FLYWCH1: variants seen among roughly 807,000 people sequenced by gnomAD.
The protein encoded by FLYWCH1 is FLYWCH-type zinc finger 1, also known as FLYWCH-type zinc finger-containing protein 1.
Under a neutral mutation model 66.4 loss-of-function variants are expected in FLYWCH1, and 75 were observed. That is an observed-to-expected ratio of 1.13 (90% CI 0.94 to 1.37). FLYWCH1 has a LOEUF of 1.37. Among genes scored for constraint, FLYWCH1 ranks in the 40% most tolerant of loss-of-function variants. The pLI, the probability that FLYWCH1 is intolerant of heterozygous loss-of-function variation, is 0.00. For missense variants in FLYWCH1, 1,334 were observed against 1,001.8 expected, an observed-to-expected ratio of 1.33 and a Z score of -4.48; for synonymous variants, 595 against 429.9, an observed-to-expected ratio of 1.38 and a Z score of -4.75.
intron 9 of FLYWCH1, 23 bp downstream of exon 9, chr16:2,940,115 G>T: frequency 9.5e-7 from 1 of 1,057,216 alleles, no homozygotes; most frequent in Non-Finnish European, 1.5e-6. Context: ...GTTATCTAAT[G>T]GTGCATGACC....
At chr16:2,939,820 C>T (rs1252464383) in intron 8 of FLYWCH1, 2 of 465,106 alleles carry the variant, frequency 4.3e-6, no homozygotes, top group South Asian at 3.2e-5. Context: ...CACTATTTTC[C>T]ATGACAGCAG....
intron 2 of FLYWCH1, among the ~76,000 whole-genome samples, chr16:2,927,876 C>T (rs775250992): frequency 1.4e-4 from 21 of 152,196 alleles, no homozygotes; most frequent in Non-Finnish European, 2.4e-4. Flanking sequence ...TGCGAGGACC[C>T]GCACTGGCGC....
intron 7 of FLYWCH1, among the ~76,000 whole-genome samples, chr16:2,937,815 G>A (rs539380633): frequency 6.6e-6 from 1 of 151,720 alleles, no homozygotes; most frequent in Non-Finnish European, 1.5e-5. Context: ...TCAGCTGCCA[G>A]CTGGCTGAGG....
At chr16:2,924,458 G>A (rs1473596125) in intron 2 of FLYWCH1, among the ~76,000 whole-genome samples, 1 of 152,240 alleles carries the variant, frequency 6.6e-6, no homozygotes, top group Non-Finnish European at 1.5e-5. Flanking sequence ...CCAGTGAACA[G>A]GGTTCTGTGG....
chr16:2,938,961 G>A (rs1567347918), intron 8 of FLYWCH1, among the ~76,000 whole-genome samples: 1 of 151,376 alleles, frequency 6.6e-6, no homozygotes, highest in Non-Finnish European at 1.5e-5. Flanking sequence ...AGGCTGGAGT[G>A]CAATGGAGCC....
At chr16:2,936,940 G>A in intron 6 of FLYWCH1, 181 bp from the exon 7 acceptor site, 1 of 817,340 alleles carries the variant, frequency 1.2e-6, no homozygotes, top group Non-Finnish European at 1.9e-6. Flanking sequence ...TCAGGAGGCG[G>A]ACCCCAGCAG....
In FLYWCH1 at chr16:2,948,967, C is replaced by T. The variant is rs1410742254; in HGVS notation, c.*240C>T. 1.1e-4 allele frequency: 56 copies of T among 532,792 alleles called. No individual in the cohort carries two copies. Among genetic ancestry groups the T allele is most frequent in the Non-Finnish European group, 8.2e-5 (24 of 293,318 alleles). The allele number at this position is 532,792 out of a possible 1,614,324, so 33.0% of individuals were successfully genotyped here. On this transcript the variant is annotated 3_prime_UTR_variant, in exon 10 of 10. Coordinates refer to ENST00000253928, the MANE Select transcript of FLYWCH1 (RefSeq NM_001308068.2). ...CAGACGCAGCTGTCGTGGGGCAGGGCGGTGGCGCCTTCCTGACCTTTGGAA... is the reference window on the plus strand; with the variant it reads ...CAGACGCAGCTGTCGTGGGGCAGGGTGGTGGCGCCTTCCTGACCTTTGGAA...
chr16:2,916,105 G>T (rs1198347201), intron 2 of FLYWCH1, among the ~76,000 whole-genome samples: 1 of 152,152 alleles, frequency 6.6e-6, no homozygotes, highest in African/African-American at 2.4e-5. Flanking sequence ...CCAGCATTTT[G>T]GGAGGCAAAG....
At position 2,933,199 on chromosome 16, in the gene FLYWCH1, T is replaced by C. The variant is rs1015426876; in HGVS notation, c.866T>C (p.Leu289Pro). ...AGCTTCCTGGTACACGAGTCGTTCCTCTACAAGCGGGAGAAGGCTGTCGGG... is the reference window on the plus strand; with the variant it reads ...AGCTTCCTGGTACACGAGTCGTTCCCCTACAAGCGGGAGAAGGCTGTCGGG... ...GGSFLVHESF[L>P]YKREKAVGDK... The change falls in exon 5 of 10, where the codon CTC becomes CCC. Residue 289 changes from leucine (L) to proline (P), a missense_variant. Coordinates refer to ENST00000253928, the MANE Select transcript of FLYWCH1 (RefSeq NM_001308068.2). The C allele has an allele frequency of 1.2e-6, 2 of 1,613,470 alleles. No homozygotes were observed. The highest frequency in any genetic ancestry group is 1.7e-6 in the Non-Finnish European group (2 of 1,179,836).
intron 9 of FLYWCH1, among the ~76,000 whole-genome samples, chr16:2,945,355 G>T (rs555804713): frequency 2.7e-4 from 41 of 151,740 alleles, no homozygotes; most frequent in African/African-American, 9.7e-4. Flanking sequence ...GCGTGGTGGC[G>T]TGTGCCTGTA....
At chr16:2,927,949 T>C (rs1247077348) in intron 2 of FLYWCH1, among the ~76,000 whole-genome samples, 2 of 152,178 alleles carry the variant, frequency 1.3e-5, no homozygotes, top group Admixed American at 1.3e-4. Flanking sequence ...AAGGGGAGTG[T>C]GGCAGGGCAA....
intron 6 of FLYWCH1, among the ~76,000 whole-genome samples, chr16:2,934,414 C>T (rs921452314): frequency 6.6e-6 from 1 of 152,232 alleles, no homozygotes; most frequent in South Asian, 2.1e-4. Context: ...CCCGCTGTTC[C>T]ATAGACACCC....
rs375504789 is a variant in FLYWCH1 at position 2,937,412 on chromosome 16, C to G, written c.1777+28C>G. ...GCGTGTGGAGGGTGCTGGGCTGGGT[C>G]TGCCTGGTCTCCCAGGACCTGTGCC... is the stretch of plus-strand genomic sequence containing the variant. On this transcript the variant is annotated intron_variant, in intron 7 of 9. Transcript: ENST00000253928. The G allele has an allele frequency of 2.7e-6, 4 of 1,505,432 alleles. No individual in the cohort carries two copies. The South Asian group carries it at 3.9e-5, about 15-fold the overall frequency. 93.3% of individuals were successfully genotyped at this position (1,505,432 alleles called of 1,614,324 possible).
At chr16:2,942,994 G>T (rs11076992) in intron 9 of FLYWCH1, among the ~76,000 whole-genome samples, 41,872 of 151,664 alleles carry the variant, frequency 0.28, 5,930 homozygotes, top group Non-Finnish European at 0.3. Context: ...GAGCCACCAC[G>T]CCCAGCTGGC....
intron 9 of FLYWCH1, among the ~76,000 whole-genome samples, chr16:2,942,666 G>T (rs1182781395): frequency 4.9e-5 from 2 of 40,700 alleles, no homozygotes; most frequent in Non-Finnish European, 9.1e-5. Flanking sequence ...GCCTGAGACT[G>T]CTGCCCTAAG....
intron 2 of FLYWCH1, among the ~76,000 whole-genome samples, chr16:2,923,492 C>T (rs1180362497): frequency 2.0e-5 from 3 of 152,196 alleles, no homozygotes; most frequent in African/African-American, 4.8e-5. Context: ...GTGATCCGCC[C>T]GCCTCAGCCT....
At chr16:2,922,210 A>G (rs750520133) in intron 2 of FLYWCH1, 1 of 148,332 alleles carries the variant, frequency 6.7e-6, no homozygotes, top group Non-Finnish European at 1.5e-5. Context: ...TGTTTTGTGT[A>G]TAGTTTGTTA....
intron 2 of FLYWCH1, among the ~76,000 whole-genome samples, chr16:2,918,280 T>A (rs2070244152): frequency 1.3e-5 from 2 of 151,486 alleles, no homozygotes; most frequent in Non-Finnish European, 2.9e-5. Flanking sequence ...CCCGAGTAGC[T>A]GGGACTACAG....
chr16:2,932,992 A>G (rs767269772), intron 4 of FLYWCH1, 138 bp from the exon 5 acceptor site: 26 of 735,776 alleles, frequency 3.5e-5, no homozygotes, highest in African/African-American at 7.1e-5. Context: ...GGCCTCTGAC[A>G]TATCTGGCTC....
Sources: allele counts gnomAD v4.1 joint callset (sites outside exome capture counted in the v4.1 genomes callset), GRCh38; gene constraint gnomAD v4.1.1; transcripts MANE v1.5; gene names NCBI Gene and HGNC (gene_info 2026-07-23, HGNC 2026-07-21).